The following SRFBP1 variants were observed in gnomAD, a reference collection of about 807,000 sequenced individuals.
SRFBP1 encodes the protein serum response factor binding protein 1.
SRFBP1 carries 47 observed loss-of-function variants against 45.5 expected under a neutral mutation model. The ratio of observed to expected loss-of-function variants is 1.03; its 90% CI spans 0.82 to 1.32. The LOEUF is 1.32. SRFBP1 is among the 40% of genes most tolerant of loss of function. The pLI is 0.00. For synonymous variants in SRFBP1, 203 were observed against 166.3 expected (o/e 1.22, Z -1.70); for missense variants, 621 against 484.6 (o/e 1.28, Z -2.64).
intron 3 of SRFBP1, among the ~76,000 whole-genome samples, chr5:121,986,265 G>A (rs1484238857): frequency 1.3e-5 from 2 of 151,952 alleles, no homozygotes; most frequent in Non-Finnish European, 2.9e-5. Flanking sequence ...CTGCTGATAC[G>A]TTGAGTAAGA....
At chr5:122,056,618 G>A (rs1015601808) in intron 2 of SRFBP1, among the ~76,000 whole-genome samples, 3 of 152,178 alleles carry the variant, frequency 2.0e-5, no homozygotes, top group East Asian at 1.9e-4. Flanking sequence ...ACAATTCCAT[G>A]TGTGGGATAT....
At position 122,027,102 on chromosome 5, in the gene SRFBP1, G is replaced by GA. The variant is rs746594147; in HGVS notation, c.1273dup (p.Ile425AsnfsTer4). The GA allele has an allele frequency of 1.0e-5, 16 of 1,599,768 alleles. No individual in the cohort carries two copies. The highest frequency in any genetic ancestry group is 2.2e-5 in the East Asian group (1 of 44,600). ...AATCTAATATTGCTGTGTTTCAGGG[G>GA]AAAAAAATTACGTTTGATGATTGAT... On this transcript the variant is annotated frameshift_variant, in exon 8 of 8. Coordinates refer to ENST00000339397, the MANE Select transcript of SRFBP1 (RefSeq NM_152546.3). LOFTEE classifies it high-confidence loss of function.
chr5:121,978,561 T>C (rs1227916961), intron 3 of SRFBP1, among the ~76,000 whole-genome samples: 2 of 152,112 alleles, frequency 1.3e-5, no homozygotes, highest in Admixed American at 1.3e-4. Flanking sequence ...ACCCGATCTC[T>C]GCTCACTGTA....
At chr5:121,967,003 C>G (rs1752085506) in intron 1 of SRFBP1, among the ~76,000 whole-genome samples, 1 of 145,346 alleles carries the variant, frequency 6.9e-6, no homozygotes, top group Admixed American at 7.2e-5. Flanking sequence ...CCGTGTTAGC[C>G]AGGATGGTCT....
rs112939830 is a variant in SRFBP1, at chr5:121,981,599, T to C, written c.198+6212T>C. Among the ~76,000 whole-genome samples, 989 of 150,852 alleles carry C rather than the reference T, an allele frequency of 6.6e-3. 17 individuals are homozygous for C. The highest frequency in any genetic ancestry group is 0.023 in the African/African-American group (947 of 41,072). On this transcript the variant is annotated intron_variant, in intron 3 of 7. Transcript: ENST00000339397. ...AACCAGCTAAACTGAATCCCAAACT[T>C]AGCAGTTTCAGGCCCCCTTGCCTAC...
intron 2 of SRFBP1, among the ~76,000 whole-genome samples, chr5:122,053,468 C>A (rs1676323313): frequency 6.6e-6 from 1 of 152,146 alleles, no homozygotes; most frequent in Non-Finnish European, 1.5e-5. Flanking sequence ...CACCCTCCAA[C>A]TGAGTTCATG....
At chr5:122,068,242 G>A (rs1048845264) in intron 2 of SRFBP1, among the ~76,000 whole-genome samples, 30 of 147,622 alleles carry the variant, frequency 2.0e-4, no homozygotes, top group African/African-American at 6.5e-4. Flanking sequence ...CTCTTGTACA[G>A]TCATATTGCT....
downstream of SRFBP1, among the ~76,000 whole-genome samples, chr5:122,030,156 TC>T (rs1292408594): frequency 3.3e-5 from 5 of 152,320 alleles, no homozygotes; most frequent in African/African-American, 9.6e-5. Context: ...AAAAAATGTT[TC>T]TCTCTGTGAA....
chr5:122,019,789 C>T lies in SRFBP1; in HGVS notation c.353-299C>T, dbSNP rs575500089. Among the ~76,000 whole-genome samples, 3 of 151,726 alleles carry T rather than the reference C, an allele frequency of 2.0e-5. No individual in the cohort carries two copies. In the South Asian group the frequency reaches 6.3e-4, roughly 32 times the overall value. On this transcript the variant is annotated intron_variant, in intron 5 of 7. Coordinates refer to ENST00000339397, the MANE Select transcript of SRFBP1 (RefSeq NM_152546.3). ...ATTATTATTATATAAATTAAAGTTG[C>T]CATTCCCTTTTATTTGTATTCTGTG... is the stretch of plus-strand genomic sequence containing the variant.
At chr5:122,065,908 T>C (rs1255273647) in intron 2 of SRFBP1, 1 of 152,106 alleles carries the variant, frequency 6.6e-6, no homozygotes, top group Non-Finnish European at 1.5e-5. Context: ...TCAAAATGAC[T>C]TTCCAGTTTC....
rs1554087259 is a variant in SRFBP1 at position 122,020,423 on chromosome 5, C to CCT, written c.688_689insCT (p.Leu230ProfsTer2). 1 of 1,613,888 alleles carries CCT rather than the reference C, an allele frequency of 6.2e-7. No homozygotes were observed. The highest frequency in any genetic ancestry group is 8.5e-7 in the Non-Finnish European group (1 of 1,179,964). ...ACCTGCTGACCCAAAACTGAAAACT[C>CCT]TAAGTCAAACCAAAAAAAACAAAGG... On this transcript the variant is annotated frameshift_variant, in exon 6 of 8. Coordinates refer to ENST00000339397, the MANE Select transcript of SRFBP1 (RefSeq NM_152546.3). LOFTEE classifies it high-confidence loss of function.
chr5:122,077,088 T>C, downstream of SRFBP1: 1 of 1,549,308 alleles, frequency 6.5e-7, no homozygotes, highest in Non-Finnish European at 8.7e-7. This position sits in a 1 kb window ranked among gnomAD's most constrained non-coding sequence, Gnocchi z 4.9. Context: ...CCCTTACTCC[T>C]CACCCTTCGC....
chr5:121,983,971 C>G (rs942487699), intron 3 of SRFBP1, among the ~76,000 whole-genome samples: 3 of 151,724 alleles, frequency 2.0e-5, no homozygotes, highest in African/African-American at 7.2e-5. Flanking sequence ...CCCCTGTCAT[C>G]GTGCACAACT....
At chr5:122,056,829 C>T (rs989630759) in intron 2 of SRFBP1, among the ~76,000 whole-genome samples, 1 of 152,102 alleles carries the variant, frequency 6.6e-6, no homozygotes. Context: ...GTCCACAGGG[C>T]ATGTCCTTTA....
intron 2 of SRFBP1, among the ~76,000 whole-genome samples, chr5:122,043,821 G>A (rs774840881): frequency 1.3e-5 from 2 of 151,694 alleles, no homozygotes; most frequent in African/African-American, 2.4e-5. Flanking sequence ...AAGCAGCTAT[G>A]GATAATATGG....
Position 122,061,591 on chromosome 5 carries a change from TA to T in SRFBP1, n.312-13722del, listed in dbSNP as rs386691857. 9.6e-3 allele frequency among the ~76,000 whole-genome samples: 1,461 copies of T among 152,142 alleles called. 26 individuals are homozygous for T. Among genetic ancestry groups the T allele is most frequent in the African/African-American group, 0.033 (1,365 of 41,542 alleles). The stretch of plus-strand genomic sequence containing the variant: ...ATTACTTAAGTTATGCAATTATGCA[TA>T]ACATAATTTTAAGTATACAAAATGA... On this transcript the variant is annotated intron_variant and non_coding_transcript_variant, in intron 2 of 2. Coordinates refer to the SRFBP1 transcript ENST00000504881.
intron 7 of SRFBP1, among the ~76,000 whole-genome samples, chr5:122,025,940 A>G (rs1753470454): frequency 1.3e-5 from 2 of 152,170 alleles, no homozygotes; most frequent in African/African-American, 4.8e-5. Context: ...AAATACATAA[A>G]TTAGCCAGGC....
intron 2 of SRFBP1, among the ~76,000 whole-genome samples, chr5:122,060,784 G>A (rs150995388): frequency 9.9e-4 from 151 of 152,176 alleles, no homozygotes; most frequent in Non-Finnish European, 1.6e-3. Flanking sequence ...TGATCTTGCT[G>A]GTGTTTGATT....
chr5:121,974,267 C>T lies in SRFBP1; in HGVS notation c.108C>T (p.Gly36=). The T allele has an allele frequency of 1.9e-6, 3 of 1,610,190 alleles. No homozygotes were observed. Among genetic ancestry groups the T allele is most frequent in the South Asian group, 2.2e-5 (2 of 90,882 alleles). Reference sequence around the variant, plus strand: ...TCCGAAAACTTGTCAGGAGTGTTGGCCGACTGAAGTCAAAAAAGTTAGTCA... The same window carrying T: ...TCCGAAAACTTGTCAGGAGTGTTGGTCGACTGAAGTCAAAAAAGTTAGTCA... ...LVIRKLVRSV[G]RLKSKKGTED... The change falls in exon 2 of 8, where the codon GGC becomes GGT. Residue 36 remains glycine, a synonymous_variant. Transcript: ENST00000339397.
Sources: allele counts gnomAD v4.1 joint callset (sites outside exome capture counted in the v4.1 genomes callset), GRCh38; gene constraint gnomAD v4.1.1; non-coding constraint Gnocchi (gnomAD v3.1); transcripts MANE v1.5; gene names NCBI Gene and HGNC (gene_info 2026-07-23, HGNC 2026-07-21).